Variants in LMBR1L observed in about 807,000 individuals in gnomAD.
The protein encoded by LMBR1L is limb development membrane protein 1 like, also known as protein LMBR1L.
Under a neutral mutation model 67.3 loss-of-function variants are expected in LMBR1L, and 47 were observed. The ratio of observed to expected loss-of-function variants is 0.70; its 90% CI spans 0.55 to 0.89. The LOEUF is 0.89. Among genes scored for constraint, LMBR1L ranks in the 40% least tolerant of loss-of-function variants. LMBR1L has a pLI of 0.00. For missense variants in LMBR1L, 533 were observed against 599.2 expected (o/e 0.89, Z 1.15); for synonymous variants, 247 against 250.3 (o/e 0.99, Z 0.13).
chr12:49,107,321 T>C (rs1467231865), intron 1 of LMBR1L, among the ~76,000 whole-genome samples: 2 of 152,132 alleles, frequency 1.3e-5, no homozygotes, highest in Non-Finnish European at 1.5e-5. Flanking sequence ...TGGGAGAAAA[T>C]AGCTTCAGCC....
Position 49,103,125 on chromosome 12 carries a change from T to C in LMBR1L, c.597A>G (p.Ser199=), listed in dbSNP as rs771267129. The change falls in exon 7 of 17, where the codon TCA becomes TCG. Residue 199 remains serine (S), a synonymous_variant. Coordinates refer to ENST00000267102, the MANE Select transcript of LMBR1L (RefSeq NM_018113.4). ...GCAGAACCCCAAGGAAGGAGATGCA[T>C]GAGTAGAGGTAGGGGAGATAGTACT... ...FWEYYLPYLY[S]CISFLGVLLL... 2.9e-5 allele frequency: 47 copies of C among 1,613,766 alleles called. No individual in the cohort carries two copies. The highest frequency in any genetic ancestry group is 3.8e-5 in the Non-Finnish European group (45 of 1,179,886).
At chr12:49,104,945 G>A in intron 3 of LMBR1L, 60 bp from the exon 4 acceptor site, 7 of 1,551,072 alleles carry the variant, frequency 4.5e-6, no homozygotes, top group Non-Finnish European at 6.1e-6. Flanking sequence ...CTGTGCTGAA[G>A]AAGCCCCATT....
intron 1 of LMBR1L, among the ~76,000 whole-genome samples, chr12:49,107,491 A>G (rs1237461444): frequency 6.6e-6 from 1 of 152,172 alleles, no homozygotes; most frequent in Non-Finnish European, 1.5e-5. Flanking sequence ...CTGGCACCCC[A>G]TTGCTACCCC....
At position 49,104,766 on chromosome 12, in the gene LMBR1L, A is replaced by G. The variant is rs1940683003; in HGVS notation, c.311T>C (p.Leu104Pro). The G allele has an allele frequency of 6.2e-7, 1 of 1,613,710 alleles. No individual in the cohort carries two copies. ...SLPRNYYIQW[L>P]NGSLIHGLWN... The stretch of plus-strand genomic sequence containing the variant: ...CACACCATGGATGAGGGAGCCGTTG[A>G]GCCACTGGATGTAGTAGTTCCGAGG... Residue 104 changes from leucine (L) to proline (P), a missense_variant, in exon 4 of 17, where the codon CTC becomes CCC. Transcript: ENST00000267102.
chr12:49,108,364 C>A (rs1400855548), intron 1 of LMBR1L, among the ~76,000 whole-genome samples: 1 of 152,098 alleles, frequency 6.6e-6, no homozygotes, highest in East Asian at 1.9e-4. Context: ...GAGATCAAGA[C>A]CATCCTGGCC....
intron 15 of LMBR1L, among the ~76,000 whole-genome samples, chr12:49,098,314 T>C (rs1031379659): frequency 2.6e-5 from 4 of 152,130 alleles, no homozygotes; most frequent in Non-Finnish European, 4.4e-5. Flanking sequence ...GCTTCCAGAG[T>C]CTGGTATCTT....
chr12:49,098,013 C>G lies in LMBR1L; in HGVS notation c.1333G>C (p.Gly445Arg), dbSNP rs1216508720. 6.2e-7 allele frequency: 1 copy of G among 1,614,196 alleles called. No homozygotes were observed. The highest frequency in any genetic ancestry group is 2.2e-5 in the East Asian group (1 of 44,884). ...TTCACCAGACAGAGTGTGGTGAGGC[C>G]TGCAAAGGCTGCGTTGTAGAGGAAC... ...IVFLYNAAFA[G>R]LTTLCLVKTF... Residue 445 changes from glycine to arginine, a missense_variant, in exon 16 of 17, where the codon GGC becomes CGC. Gly to Arg is a moderately radical substitution (Grantham distance 125, BLOSUM62 -2). Transcript: ENST00000267102.
At chr12:49,099,493 T>C (rs1425276586) in intron 15 of LMBR1L, among the ~76,000 whole-genome samples, 1 of 151,610 alleles carries the variant, frequency 6.6e-6, no homozygotes, top group Non-Finnish European at 1.5e-5. Context: ...ATACAGAGGA[T>C]GATGTGGTAT....
Position 49,110,713 on chromosome 12 carries a change from C to A in LMBR1L, c.-158G>T. 1.6e-6 allele frequency: 1 copy of A among 641,636 alleles called. No homozygotes were observed. The highest frequency in any genetic ancestry group is 2.8e-6 in the Non-Finnish European group (1 of 358,424). The allele number at this position is 641,636 out of a possible 1,614,324, so 39.7% of individuals were successfully genotyped here. A position where few individuals can be genotyped will look rare whatever the true frequency, so the allele number is the denominator to read the frequency against. On this transcript the variant is annotated 5_prime_UTR_variant, in exon 1 of 17. Coordinates refer to ENST00000267102, the MANE Select transcript of LMBR1L (RefSeq NM_018113.4). ...CAGTCTGGGGCTCAGATACAGTCGT[C>A]CGGACGCCCCGCCCTTAAAGGGGCA...
Position 49,110,214 on chromosome 12 carries a change from G to C in LMBR1L, c.72+270C>G, listed in dbSNP as rs558701003. 2.9e-4 allele frequency: 151 copies of C among 526,840 alleles called. No individual in the cohort carries two copies. In the East Asian group the frequency reaches 5.2e-3, roughly 18 times the overall value. The allele number at this position is 526,840 out of a possible 1,614,324, so 32.6% of individuals were successfully genotyped here. ...CCCCGGAGACCCCCAACAGGAAGAC[G>C]CGCTGGGTGAGGGGTGGGAGGGAGG... On this transcript the variant is annotated intron_variant, in intron 1 of 16. Transcript: ENST00000267102.
At chr12:49,108,345 C>T (rs1205062315) in intron 1 of LMBR1L, among the ~76,000 whole-genome samples, 2 of 151,836 alleles carry the variant, frequency 1.3e-5, no homozygotes, top group Non-Finnish European at 2.9e-5. Flanking sequence ...GGGAGGATCA[C>T]GAGGTCAAGA....
chr12:49,110,249 G>C (rs1941394373), intron 1 of LMBR1L: 1 of 590,056 alleles, frequency 1.7e-6, no homozygotes, highest in Non-Finnish European at 3.0e-6. Flanking sequence ...GGGCAGGGGA[G>C]GGGCGTGTGG....
chr12:49,102,011 G>T, intron 11 of LMBR1L, 109 bp downstream of exon 11: 2 of 922,624 alleles, frequency 2.2e-6, no homozygotes, highest in Non-Finnish European at 3.4e-6. Context: ...TCAGTGAGAA[G>T]CAACCACTAT....
intron 5 of LMBR1L, chr12:49,104,166 T>TCC: frequency 4.0e-6 from 2 of 499,210 alleles, no homozygotes; most frequent in South Asian, 5.4e-5. Context: ...CTGTGAGTCC[T>TCC]CCCACGTCTG....
chr12:49,099,858 G>A (rs2120904990), intron 15 of LMBR1L, among the ~76,000 whole-genome samples: 1 of 152,336 alleles, frequency 6.6e-6, no homozygotes, highest in African/African-American at 2.4e-5. Context: ...TGGGATTACA[G>A]GCATGAGCCA....
Position 49,105,819 on chromosome 12 carries a change from C to G in LMBR1L, c.191+105G>C, listed in dbSNP as rs915959437. ...GAAATGGGGTGGAAACAGAAACTCT[C>G]TCTTCACTGTGTGAGACTTCCCCCT... On this transcript the variant is annotated intron_variant, in intron 3 of 16. Coordinates refer to ENST00000267102, the MANE Select transcript of LMBR1L (RefSeq NM_018113.4). 4.4e-6 allele frequency: 4 copies of G among 915,834 alleles called. No homozygotes were observed. In the African/African-American group the frequency reaches 5.1e-5, roughly 12 times the overall value. The allele number at this position is 915,834 out of a possible 1,614,324, so 56.7% of individuals were successfully genotyped here. A position where few individuals can be genotyped will look rare whatever the true frequency, so the allele number is the denominator to read the frequency against.
intron 7 of LMBR1L, 41 bp from the exon 8 acceptor site, chr12:49,102,992 C>T: frequency 6.2e-7 from 1 of 1,608,938 alleles, no homozygotes; most frequent in Middle Eastern, 1.7e-4. Context: ...ACCCTGCTCT[C>T]CACCCCTTCC....
At chr12:49,104,992 T>C (rs1236013121) in intron 3 of LMBR1L, 107 bp from the exon 4 acceptor site, 20 of 1,227,798 alleles carry the variant, frequency 1.6e-5, no homozygotes, top group Middle Eastern at 2.7e-4. Flanking sequence ...GAACCAGCTG[T>C]AGCAATCACA....
intron 14 of LMBR1L, 30 bp from the exon 15 acceptor site, chr12:49,100,484 G>A (rs761091914): frequency 1.2e-6 from 2 of 1,609,938 alleles, no homozygotes; most frequent in Non-Finnish European, 1.7e-6. Context: ...GGAGAGGTGA[G>A]GGTGGAAGAG....
Sources: allele counts gnomAD v4.1 joint callset (sites outside exome capture counted in the v4.1 genomes callset), GRCh38; gene constraint gnomAD v4.1.1; transcripts MANE v1.5; gene names NCBI Gene and HGNC (gene_info 2026-07-23, HGNC 2026-07-21).